Variants in GLG1 observed in about 807,000 individuals in gnomAD.
GLG1 encodes the protein Golgi apparatus protein 1.
A neutral mutation model predicts 160.5 loss-of-function variants in GLG1; 38 were observed. The observed-to-expected ratio is 0.24, with a 90% confidence interval of 0.18 to 0.31. The LOEUF (loss-of-function observed/expected upper bound fraction) is 0.31, where lower values mean the gene tolerates loss of function less well. GLG1 is among the 10% of genes least tolerant of loss of function. The pLI is 1.00. For synonymous variants in GLG1, 644 were observed against 543.4 expected (o/e 1.19, Z -2.57); for missense variants, 1,373 against 1,505.2 (o/e 0.91, Z 1.45).
At chr16:74,541,891 G>C (rs2017877384) in intron 1 of GLG1, among the ~76,000 whole-genome samples, 1 of 151,084 alleles carries the variant, frequency 6.6e-6, no homozygotes, top group Non-Finnish European at 1.5e-5. Context: ...GGAAAAAAAA[G>C]GTCATTCCAG....
At chr16:74,589,612 G>C (rs1597376728) in intron 1 of GLG1, among the ~76,000 whole-genome samples, 1 of 152,184 alleles carries the variant, frequency 6.6e-6, no homozygotes, top group African/African-American at 2.4e-5. Context: ...GATGTGTATG[G>C]AGCCAGTGCG....
chr16:74,578,714 G>C (rs563485211), intron 1 of GLG1, among the ~76,000 whole-genome samples: 2 of 152,172 alleles, frequency 1.3e-5, no homozygotes, highest in African/African-American at 4.8e-5. Context: ...AGTATGTTCT[G>C]AAGGCTGAAT....
chr16:74,519,918 T>A (rs576955563), intron 2 of GLG1, among the ~76,000 whole-genome samples: 1 of 152,204 alleles, frequency 6.6e-6, no homozygotes, highest in Non-Finnish European at 1.5e-5. Context: ...TAAATCATCA[T>A]GTTGTTAGAT....
At position 74,456,629 on chromosome 16, in the gene GLG1, G is replaced by A. The variant is rs754071634; in HGVS notation, c.3372+20C>T. ...ATATTTTTTTGTTTTTTTAAAAAAG[G>A]AGATTCTCTTGGTCATTACCTTTGC... On this transcript the variant is annotated intron_variant, in intron 25 of 25. Transcript: ENST00000422840. 6 of 1,487,446 alleles carry A rather than the reference G, an allele frequency of 4.0e-6. No individual in the cohort carries two copies. The highest frequency in any genetic ancestry group is 4.7e-6 in the Non-Finnish European group (5 of 1,074,714). 92.1% of individuals were successfully genotyped at this position (1,487,446 alleles called of 1,614,324 possible). A position where few individuals can be genotyped will look rare whatever the true frequency, so the allele number is the denominator to read the frequency against.
chr16:74,547,593 T>C (rs2018084273), intron 1 of GLG1, among the ~76,000 whole-genome samples: 1 of 152,276 alleles, frequency 6.6e-6, no homozygotes, highest in East Asian at 1.9e-4. Context: ...TGTGCTATGT[T>C]TTGGAAGAAG....
intron 2 of GLG1, among the ~76,000 whole-genome samples, chr16:74,513,306 G>C (rs1397632460): frequency 1.3e-5 from 2 of 152,076 alleles, no homozygotes; most frequent in Admixed American, 6.6e-5. Context: ...TTAGGGTGTG[G>C]GCTAGGGGAT....
At chr16:74,572,663 A>G (rs910188080) in intron 1 of GLG1, among the ~76,000 whole-genome samples, 2 of 152,160 alleles carry the variant, frequency 1.3e-5, no homozygotes, top group East Asian at 1.9e-4. Flanking sequence ...ACCTCGCCCT[A>G]TGCACCTCTT....
At chr16:74,568,840 G>C (rs1049076424) in intron 1 of GLG1, among the ~76,000 whole-genome samples, 4 of 152,272 alleles carry the variant, frequency 2.6e-5, no homozygotes, top group Middle Eastern at 3.4e-3. Flanking sequence ...TGGTTATTTA[G>C]AACAACCCTT....
intron 1 of GLG1, among the ~76,000 whole-genome samples, chr16:74,540,532 C>T (rs1483137231): frequency 6.6e-6 from 1 of 151,388 alleles, no homozygotes; most frequent in Non-Finnish European, 1.5e-5. Flanking sequence ...TCTGGGACTG[C>T]CTAACATTTA....
intron 7 of GLG1, among the ~76,000 whole-genome samples, chr16:74,491,917 G>A (rs1257411722): frequency 2.0e-5 from 3 of 150,392 alleles, no homozygotes; most frequent in African/African-American, 4.9e-5. Context: ...GTGAGCCACC[G>A]CGCCTGGCCA....
intron 12 of GLG1, among the ~76,000 whole-genome samples, chr16:74,476,322 T>C (rs535376784): frequency 2.0e-4 from 31 of 152,338 alleles, no homozygotes; most frequent in South Asian, 4.1e-4. Flanking sequence ...CCTTGTTTCA[T>C]TGGACAGAGG....
At chr16:74,564,989 A>C (rs574360539) in intron 1 of GLG1, among the ~76,000 whole-genome samples, 7 of 152,302 alleles carry the variant, frequency 4.6e-5, no homozygotes, top group Middle Eastern at 3.4e-3. Context: ...TTTGAGATCA[A>C]ATAAGTACAT....
Position 74,459,784 on chromosome 16 carries a change from G to A in GLG1, c.3042C>T (p.Ser1014=), listed in dbSNP as rs139538436. 14 of 1,580,984 alleles carry A rather than the reference G, an allele frequency of 8.9e-6. No individual in the cohort carries two copies. In the African/African-American group the frequency reaches 9.5e-5, roughly 11 times the overall value. ...CTGCTGCTTCTTCAGCACATAGACTGGAGATCTGTTCAGGAGACACAAAAA... is the reference window on the plus strand; with the variant it reads ...CTGCTGCTTCTTCAGCACATAGACTAGAGATCTGTTCAGGAGACACAAAAA... ...QLQLHCSDEI[S]SLCAEEAAAQ... is the part of the protein sequence containing the mutation. Residue 1014 remains serine, a synonymous_variant, in exon 23 of 26, where the codon TCC becomes TCT. Coordinates refer to ENST00000422840, the MANE Select transcript of GLG1 (RefSeq NM_001145667.2).
Position 74,491,146 on chromosome 16 carries a change from G to A in GLG1, c.1304C>T (p.Ser435Phe). The change falls in exon 8 of 26, where the codon TCT becomes TTT. Residue 435 changes from serine (S) to phenylalanine (F), a missense_variant. This residue lies in a region of GLG1 where 386 missense variants were observed against 388.5 expected (regional missense o/e 0.99). Coordinates refer to ENST00000422840, the MANE Select transcript of GLG1 (RefSeq NM_001145667.2). ...DYRRMLMEDF[S>F]LSPEIILSCR... ...GCTTAGGATGATCTCAGGGCTCAGAGAAAAGTCTTCCATCAACATGCGTCG... is the reference window on the plus strand; with the variant it reads ...GCTTAGGATGATCTCAGGGCTCAGAAAAAAGTCTTCCATCAACATGCGTCG... 1 of 1,614,138 alleles carries A rather than the reference G, an allele frequency of 6.2e-7. No homozygotes were observed. Among genetic ancestry groups the A allele is most frequent in the Non-Finnish European group, 8.5e-7 (1 of 1,179,996 alleles).
intron 23 of GLG1, among the ~76,000 whole-genome samples, chr16:74,458,518 T>C (rs1160090228): frequency 2.0e-5 from 3 of 151,904 alleles, no homozygotes; most frequent in African/African-American, 2.4e-5. Context: ...TAGAAAATTA[T>C]TTAAAAAAAA....
intron 2 of GLG1, among the ~76,000 whole-genome samples, chr16:74,531,117 T>G (rs2017517854): frequency 6.6e-6 from 1 of 152,176 alleles, no homozygotes; most frequent in Non-Finnish European, 1.5e-5. Flanking sequence ...AGAAAAGCCT[T>G]CCCTCTAATC....
chr16:74,502,415 C>G lies in GLG1; in HGVS notation c.774+1116G>C, dbSNP rs144607984. On this transcript the variant is annotated intron_variant, in intron 4 of 25. Coordinates refer to ENST00000422840, the MANE Select transcript of GLG1 (RefSeq NM_001145667.2). ...CCTGTCTTTACTAAAATCAGTTCTT[C>G]TGAGATGAAGATTAATAATATATCA... 1.2e-4 allele frequency among the ~76,000 whole-genome samples: 18 copies of G among 152,290 alleles called. No homozygotes were observed. The East Asian group carries it at 3.3e-3, about 28-fold the overall frequency.
chr16:74,451,378 G>A lies in GLG1; in HGVS notation c.*1789C>T, dbSNP rs2014294761. ...GGCTTCTGGAACCCACTGCCTCCAGGAAGGGCAGCAAATAGAAAAAAAAGA... is the reference window on the plus strand; with the variant it reads ...GGCTTCTGGAACCCACTGCCTCCAGAAAGGGCAGCAAATAGAAAAAAAAGA... On this transcript the variant is annotated 3_prime_UTR_variant, in exon 26 of 26. Coordinates refer to ENST00000422840, the MANE Select transcript of GLG1 (RefSeq NM_001145667.2). The A allele has an allele frequency of 6.6e-6, 1 of 152,188 alleles. No homozygotes were observed. Among genetic ancestry groups the A allele is most frequent in the Admixed American group, 6.5e-5 (1 of 15,284 alleles). The allele number at this position is 152,188 out of a possible 1,614,324, so 9.4% of individuals were successfully genotyped here.
chr16:74,606,428 G>C (rs1228520764), intron 1 of GLG1, among the ~76,000 whole-genome samples: 1 of 152,162 alleles, frequency 6.6e-6, no homozygotes, highest in African/African-American at 2.4e-5. Context: ...CCAGGTTTTC[G>C]TCCCAGACCC....
Sources: gnomAD v4.1 joint callset for allele counts (sites outside exome capture counted in the v4.1 genomes callset) on GRCh38, gnomAD v4.1.1 for gene constraint, gnomAD v4.1.1 regional missense constraint, MANE v1.5 for transcripts, NCBI Gene and HGNC (gene_info 2026-07-23, HGNC 2026-07-21) for gene names.